SAE1: variants seen among roughly 807,000 people sequenced by gnomAD.
SAE1 encodes SUMO-activating enzyme subunit 1.
Under a neutral mutation model 40.6 loss-of-function variants are expected in SAE1, and 11 were observed. That is an observed-to-expected ratio of 0.27 (90% confidence interval 0.17 to 0.45). The LOEUF (loss-of-function observed/expected upper bound fraction) is 0.45. SAE1 is among the 20% of genes least tolerant of loss of function. The probability of loss-of-function intolerance (pLI) is 1.00; values close to 1 mark genes in which losing one functional copy is unlikely to be tolerated. For missense variants in SAE1, 373 were observed against 427.3 expected, an observed-to-expected ratio of 0.87 and a Z score of 1.12; for synonymous variants, 155 against 154.3, an observed-to-expected ratio of 1.00 and a Z score of -0.03.
chr19:47,166,626 AAAC>A (rs900866435), intron 5 of SAE1, among the ~76,000 whole-genome samples: 3 of 152,126 alleles, frequency 2.0e-5, no homozygotes, highest in African/African-American at 7.2e-5. Flanking sequence ...ATAGTCAGGC[AAAC>A]AACAAAGACT....
intron 2 of SAE1, among the ~76,000 whole-genome samples, chr19:47,144,979 G>A (rs1035398581): frequency 6.6e-6 from 1 of 151,242 alleles, no homozygotes; most frequent in Admixed American, 6.6e-5. Context: ...TTACAGGCAC[G>A]CACCACCACG....
intron 6 of SAE1, among the ~76,000 whole-genome samples, chr19:47,187,377 G>A (rs913560717): frequency 1.3e-5 from 2 of 152,292 alleles, no homozygotes; most frequent in East Asian, 3.9e-4. Context: ...ATCTGCTGCT[G>A]CTTTTTTCTT....
intron 6 of SAE1, among the ~76,000 whole-genome samples, chr19:47,193,136 C>A (rs1053655573): frequency 9.3e-5 from 14 of 150,990 alleles, no homozygotes; most frequent in Non-Finnish European, 1.8e-4. Context: ...CGGCTCACTG[C>A]AACCTCCACC....
chr19:47,180,315 A>G (rs1161969720), intron 6 of SAE1: 2 of 455,716 alleles, frequency 4.4e-6, no homozygotes, highest in Admixed American at 4.7e-5. Context: ...TGAGCTTGGA[A>G]TATCCTGCTA....
chr19:47,164,639 CTTTTTTTT>C (rs1166301382), intron 5 of SAE1, among the ~76,000 whole-genome samples: 5 of 78,388 alleles, frequency 6.4e-5, no homozygotes, highest in East Asian at 3.8e-4. Flanking sequence ...GAGAATTCAC[CTTTTTTTT>C]TTTTTTTTTT....
At position 47,159,550 on chromosome 19, in the gene SAE1, C is replaced by CT. The variant is rs769129980; in HGVS notation, c.627+4352dup. Among the ~76,000 whole-genome samples, 363 of 142,788 alleles carry CT rather than the reference C, an allele frequency of 2.5e-3. 2 individuals carry two copies. The highest frequency in any genetic ancestry group is 6.0e-3 in the South Asian group (27 of 4,500). 93.7% of individuals were successfully genotyped at this position (142,788 alleles called of 152,430 possible). ...AGCAACCCTGGAGATTATTTTCTTC[C>CT]TTTTTTTTTTTTTTTCTTTGAAGCA... On this transcript the variant is annotated intron_variant, in intron 5 of 8. Transcript: ENST00000270225.
chr19:47,161,072 G>T (rs2058357012), intron 5 of SAE1, among the ~76,000 whole-genome samples: 1 of 152,032 alleles, frequency 6.6e-6, no homozygotes, highest in Non-Finnish European at 1.5e-5. Context: ...CACAAACACA[G>T]CTCACTGCAG....
intron 6 of SAE1, among the ~76,000 whole-genome samples, chr19:47,182,698 C>G (rs2123281474): frequency 6.6e-6 from 1 of 152,180 alleles, no homozygotes; most frequent in South Asian, 2.1e-4. Context: ...GACTCTGCTC[C>G]TCGGTCTGCA....
At chr19:47,139,231 ACGGGGTTTCAC>A (rs1208382059) in intron 1 of SAE1, among the ~76,000 whole-genome samples, 1 of 152,124 alleles carries the variant, frequency 6.6e-6, no homozygotes, top group Non-Finnish European at 1.5e-5. Context: ...TTTAGTAGAG[ACGGGGTTTCAC>A]CGTGTTAGCC....
At chr19:47,207,194 A>G (rs1256137587) in intron 8 of SAE1, among the ~76,000 whole-genome samples, 1 of 152,200 alleles carries the variant, frequency 6.6e-6, no homozygotes, top group African/African-American at 2.4e-5. Flanking sequence ...TAAGCCGAGA[A>G]TGTGCCTCCC....
intron 4 of SAE1, among the ~76,000 whole-genome samples, chr19:47,153,736 A>G (rs746744054): frequency 6.6e-6 from 1 of 152,114 alleles, no homozygotes; most frequent in Non-Finnish European, 1.5e-5. Flanking sequence ...GACATCTCCT[A>G]ACTCTAGTGT....
chr19:47,137,590 C>T (rs867199408), intron 1 of SAE1, among the ~76,000 whole-genome samples: 5 of 151,596 alleles, frequency 3.3e-5, no homozygotes, highest in Admixed American at 6.6e-5. Context: ...CTCCACCTCC[C>T]GGGTTCAAGG....
intron 5 of SAE1, among the ~76,000 whole-genome samples, chr19:47,168,884 G>A (rs1443989766): frequency 6.6e-6 from 1 of 152,182 alleles, no homozygotes; most frequent in African/African-American, 2.4e-5. Flanking sequence ...GATCACAGGC[G>A]TGAGCCACTG....
chr19:47,177,711 A>C (rs867267235), intron 6 of SAE1, among the ~76,000 whole-genome samples: 1 of 152,214 alleles, frequency 6.6e-6, no homozygotes, highest in Non-Finnish European at 1.5e-5. Flanking sequence ...CATAATAATC[A>C]AAGTAATTTA....
chr19:47,186,117 G>A (rs2058543112), intron 6 of SAE1, among the ~76,000 whole-genome samples: 1 of 151,858 alleles, frequency 6.6e-6, no homozygotes, highest in South Asian at 2.1e-4. Context: ...GTGGGTGCCT[G>A]TAGTCCCAGC....
chr19:47,177,636 G>T (rs1177980028), intron 6 of SAE1, among the ~76,000 whole-genome samples: 2 of 152,008 alleles, frequency 1.3e-5, no homozygotes, highest in Non-Finnish European at 2.9e-5. Flanking sequence ...TCCCAAAGAG[G>T]GACTATAGGA....
Position 47,203,747 on chromosome 19 carries a change from C to A in SAE1, c.948+7C>A. 6.2e-7 allele frequency: 1 copy of A among 1,612,502 alleles called. No homozygotes were observed. Among genetic ancestry groups the A allele is most frequent in the Non-Finnish European group, 8.5e-7 (1 of 1,178,520 alleles). On this transcript the variant is annotated splice_region_variant and intron_variant, in intron 8 of 8. Transcript: ENST00000270225. ...GGCACAGGAAATTGTGAAGGTAAAA[C>A]ATCACTGTGGAGCAGAAAATTGTTA...
rs2058707313 is a variant in SAE1 at position 47,210,297 on chromosome 19, C to G, written c.*1046C>G. ...TCTAACTCAAGAGATTCCTCCTCTC[C>G]CTCACCATTCCTGCCACCATTTTTT... On this transcript the variant is annotated 3_prime_UTR_variant, in exon 9 of 9. Coordinates refer to ENST00000270225, the MANE Select transcript of SAE1 (RefSeq NM_005500.3). 1 of 152,138 alleles carries G rather than the reference C, an allele frequency of 6.6e-6. No homozygotes were observed. Among genetic ancestry groups the G allele is most frequent in the African/African-American group, 2.4e-5 (1 of 41,412 alleles). The allele number at this position is 152,138 out of a possible 1,614,324, so 9.4% of individuals were successfully genotyped here.
At chr19:47,136,931 A>G (rs1350195989) in intron 1 of SAE1, among the ~76,000 whole-genome samples, 1 of 152,164 alleles carries the variant, frequency 6.6e-6, no homozygotes, top group Non-Finnish European at 1.5e-5. Flanking sequence ...TCTAGGTGGG[A>G]TAGGAGAACT....
Sources: allele counts gnomAD v4.1 joint callset (sites outside exome capture counted in the v4.1 genomes callset), GRCh38; gene constraint gnomAD v4.1.1; transcripts MANE v1.5; gene names NCBI Gene and HGNC (gene_info 2026-07-23, HGNC 2026-07-21).